Variants in FRMD4A observed in about 807,000 individuals in gnomAD.
FRMD4A encodes the protein FERM domain containing 4A.
Under a neutral mutation model 129.1 loss-of-function variants are expected in FRMD4A, and 29 were observed. The ratio of observed to expected loss-of-function variants is 0.22; its 90% confidence interval spans 0.17 to 0.31. The LOEUF (loss-of-function observed/expected upper bound fraction) is 0.31, where lower values mean the gene tolerates loss of function less well. FRMD4A is among the 10% of genes least tolerant of loss of function. The pLI is 1.00. For missense variants in FRMD4A, 1,272 were observed against 1,375.8 expected (o/e 0.92, Z 1.19); for synonymous variants, 634 against 571.6 (o/e 1.11, Z -1.56).
At chr10:13,784,632 C>G (rs566283192) in intron 5 of FRMD4A, among the ~76,000 whole-genome samples, 1 of 152,252 alleles carries the variant, frequency 6.6e-6, no homozygotes, top group South Asian at 2.1e-4. Context: ...CCTCATGTGT[C>G]TTTTTAGAAA....
chr10:14,272,416 C>T (rs959109345), intron 2 of FRMD4A, among the ~76,000 whole-genome samples: 3 of 152,198 alleles, frequency 2.0e-5, no homozygotes, highest in African/African-American at 7.2e-5. Context: ...CTATGACCGT[C>T]ATCCCTTTCA....
At chr10:14,060,117 C>T (rs532692539) in intron 2 of FRMD4A, among the ~76,000 whole-genome samples, 102 of 152,242 alleles carry the variant, frequency 6.7e-4, no homozygotes, top group African/African-American at 1.5e-3. Context: ...TTGAGCCCGA[C>T]GTTAAATATT....
intron 2 of FRMD4A, among the ~76,000 whole-genome samples, chr10:14,289,688 G>T (rs538547974): frequency 5.9e-5 from 9 of 152,124 alleles, no homozygotes; most frequent in Middle Eastern, 3.4e-3. Flanking sequence ...AACTTCTAAC[G>T]GTGGGAACAA....
At chr10:13,899,345 T>C (rs2094794224) in intron 2 of FRMD4A, among the ~76,000 whole-genome samples, 1 of 152,130 alleles carries the variant, frequency 6.6e-6, no homozygotes, top group African/African-American at 2.4e-5. Context: ...ATCATGGGAT[T>C]CCTATGAGGT....
intron 2 of FRMD4A, chr10:13,890,790 C>CG (rs1248908656): frequency 4.1e-6 from 4 of 985,166 alleles, no homozygotes; most frequent in Admixed American, 6.2e-5. Flanking sequence ...CTGCACTTCC[C>CG]GGGGGGCTGG....
At chr10:14,184,315 A>G (rs1336262025) in intron 2 of FRMD4A, among the ~76,000 whole-genome samples, 10 of 70,576 alleles carry the variant, frequency 1.4e-4, no homozygotes, top group East Asian at 5.6e-4. Context: ...TTTTTTTTTT[A>G]GTAGAGATGG....
intron 2 of FRMD4A, among the ~76,000 whole-genome samples, chr10:13,944,371 G>C (rs1344998846): frequency 6.6e-6 from 1 of 151,866 alleles, no homozygotes; most frequent in Non-Finnish European, 1.5e-5. Flanking sequence ...ATTTGTCACT[G>C]TCTCCCATCA....
At chr10:14,084,745 T>C (rs1836158964) in intron 2 of FRMD4A, among the ~76,000 whole-genome samples, 2 of 152,280 alleles carry the variant, frequency 1.3e-5, no homozygotes, top group African/African-American at 4.8e-5. Flanking sequence ...ACCCCCCATA[T>C]AACCCAGAGC....
chr10:13,718,361 G>A (rs1477066911), intron 12 of FRMD4A, among the ~76,000 whole-genome samples: 1 of 152,258 alleles, frequency 6.6e-6, no homozygotes. Flanking sequence ...AGCCAGCAGA[G>A]ATAGGAGGCG....
chr10:14,293,509 ATGT>A (rs974460682), intron 2 of FRMD4A, among the ~76,000 whole-genome samples: 2 of 152,222 alleles, frequency 1.3e-5, no homozygotes, highest in African/African-American at 4.8e-5. Context: ...ATGAACAAAA[ATGT>A]TGTACTTCAC....
At chr10:13,811,028 G>A (rs1360387690) in intron 3 of FRMD4A, 120 bp from the exon 4 acceptor site, 3 of 575,994 alleles carry the variant, frequency 5.2e-6, no homozygotes, top group Non-Finnish European at 9.3e-6. Context: ...GTATTTTGAA[G>A]CAAATGATTT....
chr10:14,025,127 A>T (rs1043530589), intron 2 of FRMD4A, among the ~76,000 whole-genome samples: 1 of 152,188 alleles, frequency 6.6e-6, no homozygotes, highest in Non-Finnish European at 1.5e-5. Context: ...ATATTATTAG[A>T]TCCCTCACAC....
chr10:14,185,465 A>C (rs972250340), intron 2 of FRMD4A, among the ~76,000 whole-genome samples: 1 of 152,372 alleles, frequency 6.6e-6, no homozygotes, highest in South Asian at 2.1e-4. Context: ...AATTAGTACA[A>C]AAAACATTAC....
At chr10:14,105,879 G>A (rs1837561841) in intron 2 of FRMD4A, among the ~76,000 whole-genome samples, 1 of 151,972 alleles carries the variant, frequency 6.6e-6, no homozygotes, top group African/African-American at 2.4e-5. Flanking sequence ...TCTGTTTCCT[G>A]TATTTCTTGT....
At chr10:13,741,832 C>G (rs1443030471) in intron 9 of FRMD4A, among the ~76,000 whole-genome samples, 1 of 152,170 alleles carries the variant, frequency 6.6e-6, no homozygotes, top group Non-Finnish European at 1.5e-5. Flanking sequence ...TAGACAGGCG[C>G]TCCCTCCTTT....
intron 2 of FRMD4A, among the ~76,000 whole-genome samples, chr10:14,228,699 G>A (rs1465585318): frequency 6.6e-6 from 1 of 151,812 alleles, no homozygotes; most frequent in Non-Finnish European, 1.5e-5. Flanking sequence ...CGCATCTGGA[G>A]TAATTGAGTT....
intron 2 of FRMD4A, among the ~76,000 whole-genome samples, chr10:14,073,725 T>C (rs745683606): frequency 6.6e-6 from 1 of 152,178 alleles, no homozygotes; most frequent in Non-Finnish European, 1.5e-5. Context: ...CGGGATCCTG[T>C]TGTGACCTAC....
intron 2 of FRMD4A, among the ~76,000 whole-genome samples, chr10:14,052,836 T>A (rs1341066944): frequency 1.3e-5 from 2 of 152,080 alleles, no homozygotes; most frequent in Non-Finnish European, 2.9e-5. Flanking sequence ...AGTGCTGGGA[T>A]TATAGGTATG....
intron 2 of FRMD4A, among the ~76,000 whole-genome samples, chr10:14,327,808 T>C (rs1417445076): frequency 6.6e-6 from 1 of 152,218 alleles, no homozygotes; most frequent in Non-Finnish European, 1.5e-5. Context: ...CTTGCTGTTA[T>C]GCCAGGCTAC....
Sources: gnomAD v4.1 joint callset for allele counts (sites outside exome capture counted in the v4.1 genomes callset) on GRCh38, gnomAD v4.1.1 for gene constraint, MANE v1.5 for transcripts, NCBI Gene and HGNC (gene_info 2026-07-23, HGNC 2026-07-21) for gene names.